Variants in PDE11A observed in about 807,000 individuals in gnomAD.
The protein encoded by PDE11A is phosphodiesterase 11A.
In PDE11A, 100 loss-of-function variants were observed where a neutral mutation model predicts 100.5. The observed-to-expected ratio is 1.00, with a 90% confidence interval of 0.85 to 1.18. The LOEUF (loss-of-function observed/expected upper bound fraction) is 1.18. PDE11A is among the 50% of genes most tolerant of loss of function. The pLI is 0.00. For missense variants in PDE11A, 1,141 were observed against 1,152.6 expected (o/e 0.99, Z 0.15); for synonymous variants, 381 against 420.8 (o/e 0.91, Z 1.16).
At position 177,835,918 on chromosome 2, in the gene PDE11A, A is replaced by C. The variant is rs191725761; in HGVS notation, c.1500+4333T>G. ...CCTCAGCTGCCTCCCTGCTGGGCAG[A>C]GCTCGGGACCTGCAGCCTGCCATGC... On this transcript the variant is annotated intron_variant, in intron 6 of 19. Coordinates refer to ENST00000286063, the MANE Select transcript of PDE11A (RefSeq NM_016953.4). Among the ~76,000 whole-genome samples the C allele has an allele frequency of 7.5e-3, 1,149 of 152,276 alleles. 16 individuals carry two copies. Among genetic ancestry groups the C allele is most frequent in the African/African-American group, 0.026 (1,062 of 41,540 alleles).
intron 9 of PDE11A, among the ~76,000 whole-genome samples, chr2:177,806,695 C>T (rs2082877123): frequency 1.3e-5 from 2 of 152,078 alleles, no homozygotes; most frequent in Admixed American, 1.3e-4. Flanking sequence ...GGCAGACTTA[C>T]AGATGCCCTT....
At chr2:177,673,635 A>G (rs2080720375) in intron 17 of PDE11A, among the ~76,000 whole-genome samples, 1 of 152,216 alleles carries the variant, frequency 6.6e-6, no homozygotes, top group Non-Finnish European at 1.5e-5. Flanking sequence ...TAAGAGTTTG[A>G]TGCCGTGACT....
In PDE11A at chr2:177,625,174, A is replaced by G. The variant is rs16865475; in HGVS notation, c.*4233T>C. On this transcript the variant is annotated 3_prime_UTR_variant, in exon 20 of 20. Coordinates refer to ENST00000286063, the MANE Select transcript of PDE11A (RefSeq NM_016953.4). ...CTGTAGTATGATTGTGCTTACATCT[A>G]CCCCATATATGTAAGTTTTATTATG... 0.052 allele frequency: 7,871 copies of G among 152,700 alleles called. 326 individuals carry two copies. Among genetic ancestry groups the G allele is most frequent in the East Asian group, 0.2 (1,018 of 5,186 alleles). The allele number at this position is 152,700 out of a possible 1,614,324, so 9.5% of individuals were successfully genotyped here.
intron 2 of PDE11A, among the ~76,000 whole-genome samples, chr2:178,098,128 A>C (rs1267745994): frequency 6.6e-6 from 1 of 152,224 alleles, no homozygotes; most frequent in Non-Finnish European, 1.5e-5. Flanking sequence ...CCAAACAATA[A>C]TTCAACATAA....
intron 15 of PDE11A, among the ~76,000 whole-genome samples, chr2:177,696,123 T>C (rs1360523942): frequency 1.3e-5 from 2 of 152,126 alleles, no homozygotes; most frequent in Non-Finnish European, 2.9e-5. Flanking sequence ...GGGCAGATTA[T>C]AGAGGGCCTT....
chr2:177,665,093 A>C (rs948617755), intron 18 of PDE11A, among the ~76,000 whole-genome samples: 4 of 152,194 alleles, frequency 2.6e-5, no homozygotes, highest in African/African-American at 7.2e-5. Context: ...AAATAGCAGG[A>C]AAGAAGACTG....
intron 1 of PDE11A, among the ~76,000 whole-genome samples, chr2:178,020,902 T>C (rs1372451905): frequency 6.6e-6 from 1 of 150,872 alleles, no homozygotes; most frequent in East Asian, 2.0e-4. Context: ...ATTAAGTCTT[T>C]GTTTTTTTGT....
In PDE11A at chr2:177,911,946, C is replaced by T. The variant is rs564973394; in HGVS notation, c.1072-6759G>A. Among the ~76,000 whole-genome samples, 8 of 151,916 alleles carry T rather than the reference C, an allele frequency of 5.3e-5. No individual in the cohort carries two copies. In the South Asian group the frequency reaches 1.7e-3, roughly 32 times the overall value. On this transcript the variant is annotated intron_variant, in intron 2 of 19. Coordinates refer to ENST00000286063, the MANE Select transcript of PDE11A (RefSeq NM_016953.4). ...ATTACATGTCTTTTGAAATTGTCCA[C>T]TATGAGAATTGACATTCTGAAGAAT...
chr2:177,885,574 T>C (rs556014340), intron 4 of PDE11A, among the ~76,000 whole-genome samples: 1 of 152,154 alleles, frequency 6.6e-6, no homozygotes, highest in East Asian at 1.9e-4. Context: ...AAAATCAAAC[T>C]GAATTTAAGT....
chr2:178,034,387 G>A (rs2086584559), intron 1 of PDE11A, among the ~76,000 whole-genome samples: 1 of 152,190 alleles, frequency 6.6e-6, no homozygotes, highest in Non-Finnish European at 1.5e-5. Flanking sequence ...AGTTCTTAGA[G>A]ACTTACAAAG....
intron 4 of PDE11A, among the ~76,000 whole-genome samples, chr2:177,888,952 C>T (rs1349594015): frequency 1.3e-5 from 2 of 152,154 alleles, no homozygotes; most frequent in Non-Finnish European, 2.9e-5. Flanking sequence ...GTATATGCTC[C>T]ACTGTTTTTA....
rs869059416 is a variant in PDE11A at position 177,631,291 on chromosome 2, C to CAAAAAAAAA, written c.2647-1738_2647-1730dup. Among the ~76,000 whole-genome samples, 62 of 11,778 alleles carry CAAAAAAAAA rather than the reference C, an allele frequency of 5.3e-3. 1 individual carries two copies. Among genetic ancestry groups the CAAAAAAAAA allele is most frequent in the African/African-American group, 8.1e-3 (36 of 4,440 alleles). The allele number at this position is 11,778 out of a possible 152,430, so 7.7% of individuals were successfully genotyped here. A position where few individuals can be genotyped will look rare whatever the true frequency, so the allele number is the denominator to read the frequency against. On this transcript the variant is annotated intron_variant, in intron 19 of 19. Transcript: ENST00000286063. ...TGAAACCTCATCTCTACTAAAAATGCAAAAAAAAAAAAAAAAAAACAAAAA... is the reference window on the plus strand; with the variant it reads ...TGAAACCTCATCTCTACTAAAAATGCAAAAAAAAAAAAAAAAAAAAAAAAAAAACAAAAA...
At chr2:177,873,430 TAG>T (rs1382928531) in intron 5 of PDE11A, among the ~76,000 whole-genome samples, 2 of 152,116 alleles carry the variant, frequency 1.3e-5, no homozygotes, top group Non-Finnish European at 2.9e-5. Flanking sequence ...TGGTTAGGTA[TAG>T]ATTAGCTGGC....
intron 10 of PDE11A, among the ~76,000 whole-genome samples, chr2:177,751,349 T>G (rs1319197141): frequency 6.6e-6 from 1 of 151,914 alleles, no homozygotes; most frequent in Non-Finnish European, 1.5e-5. Context: ...CCTGAAAACC[T>G]ACACCTGCCA....
intron 2 of PDE11A, among the ~76,000 whole-genome samples, chr2:177,920,154 T>C (rs1209927526): frequency 2.6e-5 from 4 of 152,094 alleles, no homozygotes; most frequent in Non-Finnish European, 5.9e-5. Context: ...TAGTTCTTCA[T>C]TGTGAAAGGC....
intron 9 of PDE11A, among the ~76,000 whole-genome samples, chr2:177,792,116 A>G (rs1044553013): frequency 3.9e-5 from 6 of 152,180 alleles, no homozygotes; most frequent in African/African-American, 1.2e-4. Context: ...CATTCCCACA[A>G]TTGCATTACT....
chr2:177,936,120 G>A (rs182016599), intron 2 of PDE11A, among the ~76,000 whole-genome samples: 1 of 152,346 alleles, frequency 6.6e-6, no homozygotes, highest in East Asian at 1.9e-4. Context: ...ATTTGAGAGA[G>A]TGAGATGTTG....
intron 4 of PDE11A, among the ~76,000 whole-genome samples, chr2:177,877,459 C>G (rs757087784): frequency 3.3e-5 from 5 of 152,168 alleles, no homozygotes; most frequent in Non-Finnish European, 7.4e-5. Flanking sequence ...GCCACCGCAT[C>G]TGGCCAAAGG....
At chr2:177,674,307 G>T (rs1440468940) in intron 17 of PDE11A, among the ~76,000 whole-genome samples, 2 of 152,210 alleles carry the variant, frequency 1.3e-5, no homozygotes, top group African/African-American at 4.8e-5. Flanking sequence ...AAAACGACAG[G>T]AGTGTATTCT....
Sources: allele counts gnomAD v4.1 joint callset (sites outside exome capture counted in the v4.1 genomes callset), GRCh38; gene constraint gnomAD v4.1.1; transcripts MANE v1.5; gene names NCBI Gene and HGNC (gene_info 2026-07-23, HGNC 2026-07-21).